NLRC4: variants seen among roughly 807,000 people sequenced by gnomAD.
NLRC4 encodes the protein NLR family CARD domain containing 4.
A neutral mutation model predicts 79.9 loss-of-function variants in NLRC4; 63 were observed. The observed-to-expected ratio is 0.79, with a 90% CI of 0.64 to 0.97. The LOEUF is 0.97. NLRC4 is among the 50% of genes least tolerant of loss of function. The pLI is 0.00. For synonymous variants in NLRC4, 461 were observed against 456.5 expected (o/e 1.01, Z -0.12); for missense variants, 1,074 against 1,215.2 (o/e 0.88, Z 1.73).
At chr2:32,258,745 T>G (rs1018062484) in intron 1 of NLRC4, among the ~76,000 whole-genome samples, 1 of 152,170 alleles carries the variant, frequency 6.6e-6, no homozygotes, top group Non-Finnish European at 1.5e-5. Flanking sequence ...TGTCATTTCA[T>G]CCTCCTAGTT....
At chr2:32,255,655 CTAAT>C (rs1172889369) in intron 2 of NLRC4, among the ~76,000 whole-genome samples, 2 of 151,966 alleles carry the variant, frequency 1.3e-5, no homozygotes, top group East Asian at 3.9e-4. Flanking sequence ...TTAAAATACT[CTAAT>C]TATTTAAAAG....
At chr2:32,253,547 T>TC (rs1187368956) in intron 2 of NLRC4, among the ~76,000 whole-genome samples, 1 of 152,160 alleles carries the variant, frequency 6.6e-6, no homozygotes, top group Non-Finnish European at 1.5e-5. Context: ...TATAAAGCAG[T>TC]CCCCAGTGAG....
At chr2:32,257,318 A>G (rs981177817) in intron 1 of NLRC4, among the ~76,000 whole-genome samples, 1 of 152,192 alleles carries the variant, frequency 6.6e-6, no homozygotes, top group African/African-American at 2.4e-5. Context: ...GTCTTAAAGG[A>G]TAAGTAGGGC....
chr2:32,225,383 C>T (rs1436622223), intron 8 of NLRC4, among the ~76,000 whole-genome samples: 3 of 120,398 alleles, frequency 2.5e-5, no homozygotes, highest in African/African-American at 9.5e-5. Flanking sequence ...ACAAAGAATG[C>T]ACACACACAC....
intron 2 of NLRC4, among the ~76,000 whole-genome samples, chr2:32,253,706 T>C (rs1687138772): frequency 6.6e-6 from 1 of 152,052 alleles, no homozygotes; most frequent in African/African-American, 2.4e-5. Flanking sequence ...GGCTCACACC[T>C]GTAACCCCAG....
At chr2:32,233,134 GAGGAAGGAAGGA>G (rs763764067) in intron 8 of NLRC4, among the ~76,000 whole-genome samples, 4,665 of 33,666 alleles carry the variant, frequency 0.14, 445 homozygotes, top group Non-Finnish European at 0.17. Context: ...GTGGGGGAGG[GAGGAAGGAAGGA>G]AGGAAGGAAG....
intron 4 of NLRC4, among the ~76,000 whole-genome samples, chr2:32,243,104 C>A (rs1327229971): frequency 6.7e-6 from 1 of 150,364 alleles, no homozygotes; most frequent in African/African-American, 2.4e-5. Context: ...GAGGGAAGGA[C>A]GGAAAAGAAA....
At chr2:32,228,685 T>C (rs997225308) in intron 8 of NLRC4, among the ~76,000 whole-genome samples, 1 of 152,048 alleles carries the variant, frequency 6.6e-6, no homozygotes, top group Non-Finnish European at 1.5e-5. Context: ...AAATAAAATA[T>C]GATAGCGGGA....
In NLRC4 at chr2:32,250,023, A is replaced by G. The variant is rs773694234; in HGVS notation, c.1841T>C (p.Leu614Pro). Residue 614 changes from leucine to proline, a missense_variant, in exon 4 of 9, where the codon CTG becomes CCG. Transcript: ENST00000402280. This position sits in a 1 kb window ranked among gnomAD's most constrained non-coding sequence, Gnocchi z 4.9. ...NCASALDFIK[L>P]DFYGGAMASW... ...AGCCATAGCTCCCCCATAAAAGTCC[A>G]GTTTAATGAAGTCCAGGGCACTTGC... The G allele has an allele frequency of 6.2e-7, 1 of 1,614,250 alleles. No homozygotes were observed. The highest frequency in any genetic ancestry group is 8.5e-7 in the Non-Finnish European group (1 of 1,180,048).
At chr2:32,248,070 A>G (rs1686980235) in intron 4 of NLRC4, among the ~76,000 whole-genome samples, 1 of 152,210 alleles carries the variant, frequency 6.6e-6, no homozygotes, top group Non-Finnish European at 1.5e-5. Flanking sequence ...TGGTTACACT[A>G]AAAGCTCAGA....
In NLRC4 at chr2:32,251,405, G is replaced by C. The variant is rs1687075064; in HGVS notation, c.459C>G (p.Thr153=). The change falls in exon 4 of 9, where the codon ACC becomes ACG. Residue 153 remains threonine (T), a synonymous_variant. Transcript: ENST00000402280. ...GAAGAGCCTGCAGGAGGCCATTCAG[G>C]GTCAGCTGCTCCACGCGGTGATGGT... ...DQHHHRVEQL[T]LNGLLQALQS... The C allele has an allele frequency of 1.2e-6, 2 of 1,614,092 alleles. No individual in the cohort carries two copies. Among genetic ancestry groups the C allele is most frequent in the Non-Finnish European group, 8.5e-7 (1 of 1,179,996 alleles).
At chr2:32,258,726 G>A (rs370766665) in intron 1 of NLRC4, among the ~76,000 whole-genome samples, 1 of 152,158 alleles carries the variant, frequency 6.6e-6, no homozygotes, top group Non-Finnish European at 1.5e-5. Flanking sequence ...CAATTTCCTG[G>A]TATGGTCCTG....
At position 32,249,895 on chromosome 2, in the gene NLRC4, G is replaced by C. The variant is rs1286712367; in HGVS notation, c.1969C>G (p.Gln657Glu). ...RAVSLFFNWK[Q>E]EFRTLEVTLR... The stretch of plus-strand genomic sequence containing the variant: ...GTGACCTCCAGAGTCCTGAATTCCT[G>C]CTTCCAGTTGAAGAACAAAGATACA... The change falls in exon 4 of 9, where the codon CAG (glutamine) becomes GAG (glutamate). Residue 657 changes from glutamine to glutamate, a missense_variant. Transcript: ENST00000402280. 6.2e-7 allele frequency: 1 copy of C among 1,614,176 alleles called. No individual in the cohort carries two copies. The highest frequency in any genetic ancestry group is 1.1e-5 in the South Asian group (1 of 91,072).
chr2:32,226,174 G>A (rs566330176), intron 8 of NLRC4, among the ~76,000 whole-genome samples: 1 of 152,246 alleles, frequency 6.6e-6, no homozygotes, highest in East Asian at 1.9e-4. Flanking sequence ...AGCTTACGTG[G>A]GTGAGGTCAA....
At position 32,250,110 on chromosome 2, in the gene NLRC4, T is replaced by C. The variant is rs763410160; in HGVS notation, c.1754A>G (p.Tyr585Cys). The C allele has an allele frequency of 1.7e-5, 28 of 1,614,126 alleles. No individual in the cohort carries two copies. In the Admixed American group the frequency reaches 3.8e-4, roughly 22 times the overall value. Residue 585 changes from tyrosine to cysteine, a missense_variant, in exon 4 of 9, where the codon TAT (tyrosine) becomes TGT (cysteine). Physicochemically the swap from Tyr to Cys is radical, Grantham distance 194. Coordinates refer to ENST00000402280, the MANE Select transcript of NLRC4 (RefSeq NM_001199138.2). This position sits in a 1 kb window ranked among gnomAD's most constrained non-coding sequence, Gnocchi z 4.9. The stretch of plus-strand genomic sequence containing the variant: ...ATCGGGGATGTTCCCTGAGTTGATA[T>C]ATAAGCTTTTACCTTGAAAGAAAGC... ...FEAFFQGKSL[Y>C]INSGNIPDYL...
chr2:32,260,227 A>C (rs947558150), intron 1 of NLRC4, among the ~76,000 whole-genome samples: 3 of 151,388 alleles, frequency 2.0e-5, no homozygotes, highest in Non-Finnish European at 2.9e-5. Context: ...AAAAAAAAAA[A>C]AAAAAACAAC....
In NLRC4 at chr2:32,250,919, C is replaced by T. The variant is rs746822837; in HGVS notation, c.945G>A (p.Lys315=). 3.1e-6 allele frequency: 5 copies of T among 1,614,122 alleles called. No homozygotes were observed. The highest frequency in any genetic ancestry group is 1.7e-5 in the Admixed American group (1 of 60,022). The change falls in exon 4 of 9, where the codon AAG becomes AAA. Residue 315 remains lysine, a synonymous_variant. Coordinates refer to ENST00000402280, the MANE Select transcript of NLRC4 (RefSeq NM_001199138.2). The surrounding 1 kb of genome is among the most constrained non-coding windows in gnomAD (Gnocchi z 4.9). ...AQALIREVLI[K]ELAEGLLLQI... ...GGAGCAACAAGCCTTCAGCAAGCTC[C>T]TTGATCAGCACTTCTCGGATGAGAG... is the stretch of plus-strand genomic sequence containing the variant.
chr2:32,244,858 GGGGGAAGGAGA>G (rs1186266123), intron 4 of NLRC4, among the ~76,000 whole-genome samples: 1 of 151,166 alleles, frequency 6.6e-6, no homozygotes, highest in African/African-American at 2.4e-5. Context: ...GAGAGGGGGA[GGGGGAAGGAGA>G]GGGGAAGGGA....
At chr2:32,239,831 A>G (rs1276375711) in intron 5 of NLRC4, among the ~76,000 whole-genome samples, 1 of 152,190 alleles carries the variant, frequency 6.6e-6, no homozygotes, top group Non-Finnish European at 1.5e-5. Context: ...TGTGAAATGA[A>G]TGAGTTGAAT....
Sources: allele counts gnomAD v4.1 joint callset (sites outside exome capture counted in the v4.1 genomes callset), GRCh38; gene constraint gnomAD v4.1.1; non-coding constraint Gnocchi (gnomAD v3.1); transcripts MANE v1.5; gene names NCBI Gene and HGNC (gene_info 2026-07-23, HGNC 2026-07-21).